The following MAN1A2 variants were observed in gnomAD, a reference collection of about 807,000 sequenced individuals.
MAN1A2 encodes the protein mannosyl-oligosaccharide 1,2-alpha-mannosidase IB.
A neutral mutation model predicts 75.7 loss-of-function variants in MAN1A2; 26 were observed. That is an observed-to-expected ratio of 0.34 (90% CI 0.25 to 0.48). MAN1A2 has a LOEUF of 0.48. Ranked by LOEUF, MAN1A2 falls within the 20% of genes least tolerant of loss-of-function variation. The pLI is 0.99. For synonymous variants in MAN1A2, 247 were observed against 264.6 expected, an observed-to-expected ratio of 0.93 and a Z score of 0.65; for missense variants, 562 against 775.5, an observed-to-expected ratio of 0.72 and a Z score of 3.27.
At chr1:117,509,938 A>AT (rs1421505251) in intron 12 of MAN1A2, among the ~76,000 whole-genome samples, 1 of 151,590 alleles carries the variant, frequency 6.6e-6, no homozygotes, top group Non-Finnish European at 1.5e-5. Flanking sequence ...AACATATAAA[A>AT]ATATATATAA....
intron 8 of MAN1A2, among the ~76,000 whole-genome samples, chr1:117,479,266 G>A (rs764974486): frequency 1.3e-5 from 2 of 151,938 alleles, no homozygotes; most frequent in Non-Finnish European, 2.9e-5. Flanking sequence ...TCCCTGCAAA[G>A]GACATGATCT....
chr1:117,459,962 C>T (rs1239760390), intron 6 of MAN1A2, among the ~76,000 whole-genome samples: 1 of 151,668 alleles, frequency 6.6e-6, no homozygotes, highest in Admixed American at 6.6e-5. Context: ...GTTGCACATT[C>T]AAATTTTGAG....
intron 1 of MAN1A2, among the ~76,000 whole-genome samples, chr1:117,386,263 G>T (rs1300670060): frequency 6.6e-6 from 1 of 152,186 alleles, no homozygotes; most frequent in African/African-American, 2.4e-5. Flanking sequence ...TAGAAATGTA[G>T]ATATAAATAG....
chr1:117,451,106 C>A (rs2101824316), intron 6 of MAN1A2, among the ~76,000 whole-genome samples: 1 of 152,312 alleles, frequency 6.6e-6, no homozygotes, highest in Admixed American at 6.5e-5. Flanking sequence ...TTGGGCTATA[C>A]CCTGCAAAGC....
intron 5 of MAN1A2, among the ~76,000 whole-genome samples, chr1:117,426,371 C>T (rs1275693945): frequency 6.6e-6 from 1 of 151,862 alleles, no homozygotes; most frequent in African/African-American, 2.4e-5. Context: ...CTGCTGGGGT[C>T]TGTGGGTTGA....
At chr1:117,427,863 T>G (rs1017963891) in intron 5 of MAN1A2, among the ~76,000 whole-genome samples, 29 of 152,332 alleles carry the variant, frequency 1.9e-4, no homozygotes, top group African/African-American at 7.0e-4. Flanking sequence ...CATAGCATTT[T>G]ATATTGGGTT....
At chr1:117,432,413 A>G (rs1648700253) in intron 5 of MAN1A2, among the ~76,000 whole-genome samples, 1 of 152,210 alleles carries the variant, frequency 6.6e-6, no homozygotes, top group African/African-American at 2.4e-5. Flanking sequence ...ACAGATTACC[A>G]ATAGCAGGAG....
intron 1 of MAN1A2, among the ~76,000 whole-genome samples, chr1:117,371,200 A>G (rs190269598): frequency 2.4e-4 from 36 of 152,322 alleles, no homozygotes; most frequent in Admixed American, 5.9e-4. Flanking sequence ...TAAATACTGT[A>G]TATTTTCTGA....
chr1:117,465,180 A>G (rs1307088362), intron 7 of MAN1A2, among the ~76,000 whole-genome samples: 1 of 152,184 alleles, frequency 6.6e-6, no homozygotes, highest in Non-Finnish European at 1.5e-5. Flanking sequence ...CAGTGTTCAA[A>G]ATATAAGGAG....
In MAN1A2 at chr1:117,446,832, TG is replaced by T. The variant is rs1407408019; in HGVS notation, c.950+4509del. 2.6e-5 allele frequency among the ~76,000 whole-genome samples: 4 copies of T among 152,126 alleles called. No individual in the cohort carries two copies. In the East Asian group the frequency reaches 5.8e-4, roughly 22 times the overall value. ...ATGTATATCTTTCCAGATTTTTTTT[TG>T]GTATAATTGTTTTATGCATTCCTGA... On this transcript the variant is annotated intron_variant, in intron 6 of 12. Coordinates refer to ENST00000356554, the MANE Select transcript of MAN1A2 (RefSeq NM_006699.5).
intron 12 of MAN1A2, among the ~76,000 whole-genome samples, chr1:117,506,063 C>A (rs1414326107): frequency 6.6e-6 from 1 of 151,340 alleles, no homozygotes; most frequent in East Asian, 1.9e-4. Context: ...CTGTGAAGAT[C>A]TAAATTAATG....
intron 4 of MAN1A2, among the ~76,000 whole-genome samples, chr1:117,419,008 A>G (rs953985277): frequency 6.6e-6 from 1 of 152,142 alleles, no homozygotes. Flanking sequence ...AAGCATCCAG[A>G]TAATAGGGTA....
chr1:117,373,484 G>GT (rs34482916), intron 1 of MAN1A2, among the ~76,000 whole-genome samples: 34,101 of 113,310 alleles, frequency 0.3, 4,823 homozygotes, highest in African/African-American at 0.36. Context: ...TGCTGCATTT[G>GT]TTTTTTTTTT....
chr1:117,458,526 T>C (rs534805343), intron 6 of MAN1A2, among the ~76,000 whole-genome samples: 1 of 103,498 alleles, frequency 9.7e-6, no homozygotes, highest in Non-Finnish European at 2.2e-5. Context: ...TATATATATT[T>C]TTTTTTTTTT....
intron 10 of MAN1A2, among the ~76,000 whole-genome samples, chr1:117,497,853 A>C (rs147496490): frequency 6.6e-6 from 1 of 151,824 alleles, no homozygotes; most frequent in African/African-American, 2.4e-5. Flanking sequence ...AAGCCAAAAA[A>C]CTAGAAATTT....
intron 5 of MAN1A2, among the ~76,000 whole-genome samples, chr1:117,421,811 TG>T (rs1363609828): frequency 7.9e-5 from 12 of 152,140 alleles, no homozygotes; most frequent in African/African-American, 2.4e-4. Flanking sequence ...ATATATACTC[TG>T]GCCAAGAGGT....
At chr1:117,405,272 A>G (rs1025656780) in intron 2 of MAN1A2, among the ~76,000 whole-genome samples, 25 of 92,850 alleles carry the variant, frequency 2.7e-4, no homozygotes, top group Non-Finnish European at 5.9e-4. Context: ...GTCCCCAAAA[A>G]GACTTAACAT....
chr1:117,513,122 C>G (rs896400334), intron 12 of MAN1A2, among the ~76,000 whole-genome samples: 1 of 152,084 alleles, frequency 6.6e-6, no homozygotes, highest in Non-Finnish European at 1.5e-5. Context: ...CTACCCACCC[C>G]CAAACTCTAA....
intron 12 of MAN1A2, among the ~76,000 whole-genome samples, chr1:117,519,224 G>A (rs1247280483): frequency 1.3e-5 from 2 of 151,894 alleles, no homozygotes; most frequent in Admixed American, 6.6e-5. Flanking sequence ...AAATGCCTAC[G>A]TCAGAAAGAC....
Sources: gnomAD v4.1 joint callset for allele counts (sites outside exome capture counted in the v4.1 genomes callset) on GRCh38, gnomAD v4.1.1 for gene constraint, MANE v1.5 for transcripts, NCBI Gene and HGNC (gene_info 2026-07-23, HGNC 2026-07-21) for gene names.